LRFN2: variants seen among roughly 807,000 people sequenced by gnomAD.
LRFN2 encodes the protein leucine-rich repeat and fibronectin type-III domain-containing protein 2.
In LRFN2, 18 loss-of-function variants were observed where a neutral mutation model predicts 37.3. The observed-to-expected ratio is 0.48, with a 90% CI of 0.33 to 0.72. The LOEUF (loss-of-function observed/expected upper bound fraction) is 0.72. Among genes scored for constraint, LRFN2 ranks in the 30% least tolerant of loss-of-function variants. LRFN2 has a pLI of 0.02. For missense variants in LRFN2, 1,006 were observed against 1,060.7 expected (o/e 0.95, Z 0.72); for synonymous variants, 556 against 466.6 (o/e 1.19, Z -2.47).
At chr6:40,446,641 A>G (rs866588286) in intron 1 of LRFN2, among the ~76,000 whole-genome samples, 26 of 152,260 alleles carry the variant, frequency 1.7e-4, no homozygotes, top group Admixed American at 3.3e-4. Flanking sequence ...GAATCTGAGT[A>G]AATAATTTTC....
chr6:40,543,655 G>A (rs1423404666), intron 1 of LRFN2, among the ~76,000 whole-genome samples: 1 of 152,206 alleles, frequency 6.6e-6, no homozygotes, highest in African/African-American at 2.4e-5. Flanking sequence ...AAAATCAAAG[G>A]AAAGGGATTA....
intron 2 of LRFN2, among the ~76,000 whole-genome samples, chr6:40,413,619 C>T (rs1561844024): frequency 6.6e-6 from 1 of 152,162 alleles, no homozygotes; most frequent in Non-Finnish European, 1.5e-5. Flanking sequence ...CAGGACATGG[C>T]CATCATCTTC....
intron 1 of LRFN2, among the ~76,000 whole-genome samples, chr6:40,519,451 T>G (rs1765986178): frequency 6.6e-6 from 1 of 152,212 alleles, no homozygotes; most frequent in Non-Finnish European, 1.5e-5. Context: ...GATTTGACCA[T>G]ATGACTTGCA....
At chr6:40,524,692 C>G (rs754452824) in intron 1 of LRFN2, among the ~76,000 whole-genome samples, 12 of 152,126 alleles carry the variant, frequency 7.9e-5, no homozygotes, top group Non-Finnish European at 1.6e-4. Flanking sequence ...ACTTGGGGGG[C>G]CAAAGGGATG....
intron 2 of LRFN2, among the ~76,000 whole-genome samples, chr6:40,398,599 C>G (rs1305822278): frequency 1.3e-5 from 2 of 151,750 alleles, no homozygotes; most frequent in African/African-American, 4.8e-5. Flanking sequence ...TCCCTGAAAT[C>G]CTGAGAGATT....
intron 1 of LRFN2, among the ~76,000 whole-genome samples, chr6:40,502,687 G>A (rs905652945): frequency 2.6e-5 from 4 of 152,270 alleles, no homozygotes; most frequent in Admixed American, 1.3e-4. Context: ...AGCCCAGACA[G>A]TGACTAGAAC....
intron 1 of LRFN2, among the ~76,000 whole-genome samples, chr6:40,562,544 G>A (rs961304960): frequency 6.6e-6 from 1 of 152,072 alleles, no homozygotes; most frequent in African/African-American, 2.4e-5. Flanking sequence ...CCCAAAAACT[G>A]GGCCATTTTG....
At chr6:40,584,793 G>T (rs1767472378) in intron 1 of LRFN2, among the ~76,000 whole-genome samples, 1 of 151,320 alleles carries the variant, frequency 6.6e-6, no homozygotes, top group African/African-American at 2.4e-5. Context: ...TGGCAAACTG[G>T]CACTTGGAGG....
At chr6:40,579,635 C>G (rs1473659570) in intron 1 of LRFN2, among the ~76,000 whole-genome samples, 1 of 151,708 alleles carries the variant, frequency 6.6e-6, no homozygotes, top group Admixed American at 6.6e-5. Flanking sequence ...CACACACACA[C>G]ACGAGAATGC....
At chr6:40,503,360 T>C (rs1486171007) in intron 1 of LRFN2, among the ~76,000 whole-genome samples, 1 of 152,086 alleles carries the variant, frequency 6.6e-6, no homozygotes, top group Non-Finnish European at 1.5e-5. Flanking sequence ...CTAGTCGCAG[T>C]AATGGAGAGA....
intron 1 of LRFN2, among the ~76,000 whole-genome samples, chr6:40,545,633 T>C (rs205514): frequency 0.58 from 87,937 of 151,082 alleles, 26,433 homozygotes; most frequent in African/African-American, 0.73. Context: ...TGGGGAGAGA[T>C]GAAGAGAGAG....
chr6:40,562,456 A>G (rs1230038899), intron 1 of LRFN2, among the ~76,000 whole-genome samples: 1 of 151,904 alleles, frequency 6.6e-6, no homozygotes, highest in Admixed American at 6.6e-5. Flanking sequence ...GGCAGTGAAG[A>G]GCAAAGGGAG....
intron 1 of LRFN2, among the ~76,000 whole-genome samples, chr6:40,482,948 T>C (rs1764870478): frequency 6.6e-6 from 1 of 152,258 alleles, no homozygotes; most frequent in African/African-American, 2.4e-5. Flanking sequence ...GCCAGCTCCC[T>C]GTCCCTGCTG....
chr6:40,555,783 C>CT (rs1236426695), intron 1 of LRFN2, among the ~76,000 whole-genome samples: 3 of 152,246 alleles, frequency 2.0e-5, no homozygotes, highest in Non-Finnish European at 4.4e-5. Context: ...AGTGGGGAGT[C>CT]TGAGTCTGCT....
intron 1 of LRFN2, among the ~76,000 whole-genome samples, chr6:40,521,464 G>A (rs1015220633): frequency 8.5e-5 from 13 of 152,256 alleles, no homozygotes; most frequent in Non-Finnish European, 1.8e-4. Flanking sequence ...AAAATCAAGT[G>A]CTATTTTGCA....
Position 40,391,723 on chromosome 6 carries a change from G to T in LRFN2, c.*220C>A. On this transcript the variant is annotated 3_prime_UTR_variant, in exon 3 of 3. Transcript: ENST00000338305. ...TTTCCAAACACTCAGGGCTCAGTCC[G>T]GCATTTGAGCGAGTCCACATTCCCT... 2.3e-6 allele frequency: 1 copy of T among 438,704 alleles called. No homozygotes were observed. The highest frequency in any genetic ancestry group is 4.0e-6 in the Non-Finnish European group (1 of 252,128). 27.2% of individuals were successfully genotyped at this position (438,704 alleles called of 1,614,324 possible).
chr6:40,450,607 C>T (rs909736837), intron 1 of LRFN2, among the ~76,000 whole-genome samples: 2 of 152,182 alleles, frequency 1.3e-5, no homozygotes, highest in Non-Finnish European at 2.9e-5. Context: ...CAGCTTCATC[C>T]CGTCATGGGC....
intron 1 of LRFN2, among the ~76,000 whole-genome samples, chr6:40,453,064 G>A (rs1764149128): frequency 6.6e-6 from 1 of 152,176 alleles, no homozygotes; most frequent in Non-Finnish European, 1.5e-5. Flanking sequence ...TCCTCAATGG[G>A]AATGTTCTAT....
intron 1 of LRFN2, among the ~76,000 whole-genome samples, chr6:40,503,259 G>T (rs926974690): frequency 5.3e-5 from 8 of 152,170 alleles, no homozygotes; most frequent in Non-Finnish European, 8.8e-5. Context: ...GGATCAAGCA[G>T]GACAGCAGTG....
Sources: allele counts gnomAD v4.1 joint callset (sites outside exome capture counted in the v4.1 genomes callset), GRCh38; gene constraint gnomAD v4.1.1; transcripts MANE v1.5; gene names NCBI Gene and HGNC (gene_info 2026-07-23, HGNC 2026-07-21).